The following BCAS4 variants were observed in gnomAD, a reference collection of about 807,000 sequenced individuals.
BCAS4 encodes the protein breast carcinoma-amplified sequence 4.
Under a neutral mutation model 15.7 loss-of-function variants are expected in BCAS4, and 9 were observed. That is an observed-to-expected ratio of 0.57 (90% CI 0.34 to 1.00). The LOEUF is 1.00. BCAS4 is among the 50% of genes least tolerant of loss of function. The pLI is 0.02. For synonymous variants in BCAS4, 101 were observed against 99.5 expected (o/e 1.02, Z -0.09); for missense variants, 225 against 239.1 (o/e 0.94, Z 0.39).
At chr20:50,796,198 C>G (rs1270788368) in intron 1 of BCAS4, among the ~76,000 whole-genome samples, 1 of 151,286 alleles carries the variant, frequency 6.6e-6, no homozygotes, top group Non-Finnish European at 1.5e-5. Context: ...GCCTGACCAA[C>G]ATGGTGAAAC....
At position 50,866,097 on chromosome 20, in the gene BCAS4, G is replaced by C. The variant is rs143542316; in HGVS notation, c.400-10389G>C. Among the ~76,000 whole-genome samples the C allele has an allele frequency of 1.8e-3, 280 of 152,256 alleles. 1 individual carries two copies. The highest frequency in any genetic ancestry group is 6.4e-3 in the African/African-American group (267 of 41,544). On this transcript the variant is annotated intron_variant, in intron 4 of 4. Coordinates refer to ENST00000371608, the MANE Select transcript of BCAS4 (RefSeq NM_198799.4). ...AGCCTTTGACCAGCTGGGACCCTGGGCACGTGGCCTAGCCCTGTTCTCTCC... is the reference window on the plus strand; with the variant it reads ...AGCCTTTGACCAGCTGGGACCCTGGCCACGTGGCCTAGCCCTGTTCTCTCC...
chr20:50,874,910 C>T (rs1031090417), intron 4 of BCAS4, among the ~76,000 whole-genome samples: 3 of 152,252 alleles, frequency 2.0e-5, no homozygotes, highest in East Asian at 3.9e-4. Context: ...GGCCAGGAGA[C>T]GAGACAGTGC....
Position 50,876,646 on chromosome 20 carries a change from CATT to C in BCAS4, c.*39_*41del. 1 of 1,609,266 alleles carries C rather than the reference CATT, an allele frequency of 6.2e-7. No individual in the cohort carries two copies. Among genetic ancestry groups the C allele is most frequent in the Non-Finnish European group, 8.5e-7 (1 of 1,177,744 alleles). Reference sequence around the variant, plus strand: ...TCCCATCAGGAACGCTGGAAAGTGACATTGTGTACACACTGCAGCTTGGGGGTT... The same window carrying C: ...TCCCATCAGGAACGCTGGAAAGTGACGTGTACACACTGCAGCTTGGGGGTT... On this transcript the variant is annotated 3_prime_UTR_variant, in exon 5 of 5. Coordinates refer to ENST00000371608, the MANE Select transcript of BCAS4 (RefSeq NM_198799.4).
At chr20:50,806,621 C>T (rs2087992250) in intron 1 of BCAS4, among the ~76,000 whole-genome samples, 1 of 152,150 alleles carries the variant, frequency 6.6e-6, no homozygotes, top group Non-Finnish European at 1.5e-5. Flanking sequence ...CTCCATGTGG[C>T]CTCTCAACCT....
At chr20:50,833,856 G>C (rs1028535460) in intron 3 of BCAS4, among the ~76,000 whole-genome samples, 5 of 152,190 alleles carry the variant, frequency 3.3e-5, no homozygotes, top group Admixed American at 2.6e-4. Flanking sequence ...CAGGCCGGGT[G>C]GGGTGGGTCA....
At chr20:50,867,119 C>T (rs1413552758) in intron 4 of BCAS4, among the ~76,000 whole-genome samples, 1 of 152,178 alleles carries the variant, frequency 6.6e-6, no homozygotes, top group East Asian at 1.9e-4. Context: ...CCAGCTTCTT[C>T]TGTTGTTAAC....
chr20:50,830,828 C>T (rs1347343547), intron 3 of BCAS4, among the ~76,000 whole-genome samples: 3 of 151,920 alleles, frequency 2.0e-5, no homozygotes, highest in East Asian at 1.9e-4. Context: ...CCAGCCTGGG[C>T]GACAGAGCAA....
intron 1 of BCAS4, among the ~76,000 whole-genome samples, chr20:50,795,690 T>G (rs530400382): frequency 4.6e-5 from 7 of 152,368 alleles, no homozygotes; most frequent in African/African-American, 1.7e-4. Flanking sequence ...TCGACGCTGT[T>G]GTGAAAAAGT....
At chr20:50,804,518 CA>C (rs1404417523) in intron 1 of BCAS4, among the ~76,000 whole-genome samples, 1 of 152,180 alleles carries the variant, frequency 6.6e-6, no homozygotes, top group African/African-American at 2.4e-5. Flanking sequence ...GAGTGTCCTG[CA>C]ATAAATATCT....
chr20:50,857,876 G>A (rs1212673835), intron 4 of BCAS4, among the ~76,000 whole-genome samples: 5 of 152,116 alleles, frequency 3.3e-5, no homozygotes, highest in Admixed American at 3.3e-4. Context: ...GTGAGGGTGG[G>A]CGGCTCAGCC....
chr20:50,837,397 G>T (rs1349172910), intron 3 of BCAS4, among the ~76,000 whole-genome samples: 1 of 152,120 alleles, frequency 6.6e-6, no homozygotes, highest in Non-Finnish European at 1.5e-5. Flanking sequence ...GATCAGCCTG[G>T]GCAACATGGC....
At position 50,817,047 on chromosome 20, in the gene BCAS4, C is replaced by T. The variant is rs139926564; in HGVS notation, c.91-1164C>T. On this transcript the variant is annotated intron_variant, in intron 1 of 4. Transcript: ENST00000371608. The stretch of plus-strand genomic sequence containing the variant: ...CGATCTCCTGACCTCGTGATCTGCC[C>T]GCCTCAGCCTCCCAAAGTGCTGGGA... 4.9e-4 allele frequency among the ~76,000 whole-genome samples: 74 copies of T among 151,328 alleles called. No individual in the cohort carries two copies. In the East Asian group the frequency reaches 8.2e-3, roughly 17 times the overall value.
intron 4 of BCAS4, among the ~76,000 whole-genome samples, chr20:50,845,910 T>A (rs2088537982): frequency 6.6e-6 from 1 of 152,232 alleles, no homozygotes; most frequent in African/African-American, 2.4e-5. Context: ...CCAGGTGACT[T>A]GGTGCTGGTG....
Position 50,837,482 on chromosome 20 carries a change from C to G in BCAS4, c.265-4284C>G, listed in dbSNP as rs1426444914. On this transcript the variant is annotated intron_variant, in intron 3 of 4. Coordinates refer to ENST00000371608, the MANE Select transcript of BCAS4 (RefSeq NM_198799.4). ...GCCAATATATTTTTAAACAATGAGGCTTTCCTTCCCTCCCTCTCAGCTGAT... is the reference window on the plus strand; with the variant it reads ...GCCAATATATTTTTAAACAATGAGGGTTTCCTTCCCTCCCTCTCAGCTGAT... Among the ~76,000 whole-genome samples, 6 of 152,284 alleles carry G rather than the reference C, an allele frequency of 3.9e-5. No homozygotes were observed. The East Asian group carries it at 1.2e-3, about 29-fold the overall frequency.
chr20:50,849,077 G>A lies in BCAS4; in HGVS notation c.399+7177G>A, dbSNP rs545825086. ...GGCCACAGCAGGTGTCCCCTTGGCC[G>A]GGCCAGCTTCCTGCTGACCATGCCA... On this transcript the variant is annotated intron_variant, in intron 4 of 4. Transcript: ENST00000371608. Among the ~76,000 whole-genome samples, 5 of 152,364 alleles carry A rather than the reference G, an allele frequency of 3.3e-5. No homozygotes were observed. The East Asian group carries it at 5.8e-4, about 18-fold the overall frequency.
downstream of BCAS4, chr20:50,881,592 G>C (rs1399400711): frequency 6.6e-6 from 1 of 151,800 alleles, no homozygotes; most frequent in Non-Finnish European, 1.5e-5. Flanking sequence ...ATGCCAATAA[G>C]TATGGAAAAA....
At chr20:50,844,734 G>A (rs926239706) in intron 4 of BCAS4, among the ~76,000 whole-genome samples, 7 of 145,092 alleles carry the variant, frequency 4.8e-5, no homozygotes, top group African/African-American at 1.9e-4. Context: ...CACTCCTGCT[G>A]CAGGGATGTG....
Position 50,858,867 on chromosome 20 carries a change from C to A in BCAS4, c.399+16967C>A, listed in dbSNP as rs7348717. Among the ~76,000 whole-genome samples, 521 of 151,514 alleles carry A rather than the reference C, an allele frequency of 3.4e-3. 1 individual carries two copies. Among genetic ancestry groups the A allele is most frequent in the African/African-American group, 0.012 (493 of 41,260 alleles). ...TCAGCCTCCTGAGTAGCTGGGACTACAGGGATGTGCCACCACGCCTGGCTA... is the reference window on the plus strand; with the variant it reads ...TCAGCCTCCTGAGTAGCTGGGACTAAAGGGATGTGCCACCACGCCTGGCTA... On this transcript the variant is annotated intron_variant, in intron 4 of 4. Coordinates refer to ENST00000371608, the MANE Select transcript of BCAS4 (RefSeq NM_198799.4).
At chr20:50,880,333 TG>T (rs1175203038), downstream of BCAS4, 1 of 152,264 alleles carries the variant, frequency 6.6e-6, no homozygotes, top group Non-Finnish European at 1.5e-5. Flanking sequence ...GCGGCTCCAC[TG>T]TCCCTGTGCC....
Sources: allele counts gnomAD v4.1 joint callset (sites outside exome capture counted in the v4.1 genomes callset), GRCh38; gene constraint gnomAD v4.1.1; transcripts MANE v1.5; gene names NCBI Gene and HGNC (gene_info 2026-07-23, HGNC 2026-07-21).